Variants in HS6ST3 observed in about 807,000 individuals in gnomAD.
The protein encoded by HS6ST3 is heparan-sulfate 6-O-sulfotransferase 3.
In HS6ST3, 12 loss-of-function variants were observed where a neutral mutation model predicts 36.7. That is an observed-to-expected ratio of 0.33 (90% confidence interval 0.21 to 0.53). The LOEUF is 0.53. Among genes scored for constraint, HS6ST3 ranks in the 20% least tolerant of loss-of-function variants. The pLI is 0.95. For synonymous variants in HS6ST3, 240 were observed against 257.5 expected (o/e 0.93, Z 0.65); for missense variants, 584 against 640.9 (o/e 0.91, Z 0.96).
chr13:96,152,070 C>T (rs1440633233), intron 1 of HS6ST3, among the ~76,000 whole-genome samples: 2 of 152,124 alleles, frequency 1.3e-5, no homozygotes, highest in Admixed American at 1.3e-4. Flanking sequence ...ATAGCAATCC[C>T]CATATTCCAA....
intron 1 of HS6ST3, among the ~76,000 whole-genome samples, chr13:96,550,678 T>C (rs1051731478): frequency 6.6e-5 from 10 of 152,120 alleles, no homozygotes; most frequent in Non-Finnish European, 1.2e-4. Context: ...GCTTGTATAC[T>C]CAAAACTTGG....
At chr13:96,372,617 G>A (rs147570847) in intron 1 of HS6ST3, among the ~76,000 whole-genome samples, 4 of 152,232 alleles carry the variant, frequency 2.6e-5, no homozygotes, top group African/African-American at 9.6e-5. Context: ...ATGGATTTAG[G>A]TCTTATGTTT....
chr13:96,767,526 TAAC>T lies in HS6ST3; in HGVS notation c.708-64963_708-64961del, dbSNP rs146747778. Among the ~76,000 whole-genome samples, 353 of 152,368 alleles carry T rather than the reference TAAC, an allele frequency of 2.3e-3. 2 individuals are homozygous for T. The highest frequency in any genetic ancestry group is 7.7e-3 in the African/African-American group (319 of 41,584). On this transcript the variant is annotated intron_variant, in intron 1 of 1. Coordinates refer to ENST00000376705, the MANE Select transcript of HS6ST3 (RefSeq NM_153456.4). ...AAGCATAAAAAATCTTCCTCATTTG[TAAC>T]CTGTTATACATCTTGTACACAGCTT...
In HS6ST3 at chr13:96,214,687, A is replaced by C. The variant is rs1358667929; in HGVS notation, c.707+123118A>C. Among the ~76,000 whole-genome samples, 100 of 152,290 alleles carry C rather than the reference A, an allele frequency of 6.6e-4. 1 individual carries two copies. Among genetic ancestry groups the C allele is most frequent in the Non-Finnish European group, 4.7e-4 (32 of 68,032 alleles). On this transcript the variant is annotated intron_variant, in intron 1 of 1. Coordinates refer to ENST00000376705, the MANE Select transcript of HS6ST3 (RefSeq NM_153456.4). ...AATTTAACTGAGTCTGGAGCTGTGC[A>C]CATGTAACCATATCGTAACCTGAAT...
At chr13:96,745,129 G>A (rs1876532377) in intron 1 of HS6ST3, among the ~76,000 whole-genome samples, 2 of 152,018 alleles carry the variant, frequency 1.3e-5, no homozygotes, top group Admixed American at 1.3e-4. Context: ...ACCCAAGACA[G>A]CTGAGTTCTG....
At chr13:96,507,408 GA>G (rs1249519997) in intron 1 of HS6ST3, among the ~76,000 whole-genome samples, 3 of 152,062 alleles carry the variant, frequency 2.0e-5, no homozygotes, top group Non-Finnish European at 4.4e-5. Context: ...CCCTGATTGG[GA>G]TCTCTTTCTG....
intron 1 of HS6ST3, among the ~76,000 whole-genome samples, chr13:96,330,824 C>G (rs1274255330): frequency 6.6e-6 from 1 of 151,050 alleles, no homozygotes; most frequent in Non-Finnish European, 1.5e-5. Context: ...GTACACCAAT[C>G]AGATGTAGAT....
chr13:96,110,730 C>T (rs557053324), intron 1 of HS6ST3, among the ~76,000 whole-genome samples: 1 of 152,234 alleles, frequency 6.6e-6, no homozygotes, highest in East Asian at 1.9e-4. Context: ...GGCCGGGGAT[C>T]ACATTTCAAC....
chr13:96,666,734 A>G (rs1204494747), intron 1 of HS6ST3, among the ~76,000 whole-genome samples: 1 of 152,054 alleles, frequency 6.6e-6, no homozygotes, highest in Non-Finnish European at 1.5e-5. Context: ...GTGTGACCTC[A>G]TTTTCAAAAT....
chr13:96,127,486 C>A (rs1018499388), intron 1 of HS6ST3, among the ~76,000 whole-genome samples: 2 of 152,192 alleles, frequency 1.3e-5, no homozygotes, highest in Non-Finnish European at 2.9e-5. Context: ...TGGTGTTGCT[C>A]GCTTGCCTGC....
At chr13:96,502,280 T>A (rs2056007716) in intron 1 of HS6ST3, among the ~76,000 whole-genome samples, 1 of 152,208 alleles carries the variant, frequency 6.6e-6, no homozygotes, top group Admixed American at 6.6e-5. Context: ...ATTGACGGAT[T>A]TGATTTCTAC....
chr13:96,833,906 T>C lies in HS6ST3; in HGVS notation c.*708T>C, dbSNP rs1403438884. 1.3e-5 allele frequency: 2 copies of C among 152,322 alleles called. No individual in the cohort carries two copies. The highest frequency in any genetic ancestry group is 6.5e-5 in the Admixed American group (1 of 15,304). 9.4% of individuals were successfully genotyped at this position (152,322 alleles called of 1,614,324 possible). A position where few individuals can be genotyped will look rare whatever the true frequency, so the allele number is the denominator to read the frequency against. ...AGTGGATCCAGGACAGGGGAGGTTG[T>C]AACCCCTGAGAAATGAACATTGGTA... On this transcript the variant is annotated 3_prime_UTR_variant, in exon 2 of 2. Transcript: ENST00000376705.
chr13:96,240,485 G>A (rs145103718), intron 1 of HS6ST3, among the ~76,000 whole-genome samples: 86 of 152,286 alleles, frequency 5.6e-4, no homozygotes, highest in African/African-American at 1.9e-3. Context: ...CATTTGCTAA[G>A]TTAGGGATGA....
chr13:96,231,202 G>A (rs2054506489), intron 1 of HS6ST3, among the ~76,000 whole-genome samples: 1 of 152,146 alleles, frequency 6.6e-6, no homozygotes, highest in Admixed American at 6.5e-5. Flanking sequence ...TACTGTGCCT[G>A]TTGATCCTGT....
intron 1 of HS6ST3, among the ~76,000 whole-genome samples, chr13:96,257,327 T>A (rs1028873046): frequency 6.6e-6 from 1 of 152,202 alleles, no homozygotes; most frequent in Non-Finnish European, 1.5e-5. Flanking sequence ...AATACAGAGC[T>A]CTGTGATTCA....
intron 1 of HS6ST3, among the ~76,000 whole-genome samples, chr13:96,150,071 C>A (rs990823075): frequency 6.6e-6 from 1 of 152,088 alleles, no homozygotes; most frequent in Non-Finnish European, 1.5e-5. Flanking sequence ...CGCAGCTTGG[C>A]GAGTTCCAGG....
At chr13:96,146,230 C>G (rs990754570) in intron 1 of HS6ST3, among the ~76,000 whole-genome samples, 3 of 152,114 alleles carry the variant, frequency 2.0e-5, no homozygotes, top group Admixed American at 1.3e-4. Context: ...CACTGAATCT[C>G]TAAATTACCT....
intron 1 of HS6ST3, among the ~76,000 whole-genome samples, chr13:96,509,129 G>A (rs2056038600): frequency 1.3e-5 from 2 of 151,910 alleles, no homozygotes; most frequent in Non-Finnish European, 2.9e-5. Context: ...TTTTCATATC[G>A]TTATTGGCCA....
intron 1 of HS6ST3, among the ~76,000 whole-genome samples, chr13:96,579,678 G>T (rs141275240): frequency 6.6e-6 from 1 of 152,220 alleles, no homozygotes; most frequent in Admixed American, 6.5e-5. Flanking sequence ...AAAAACATCA[G>T]TTAAGCTAAT....
Sources: gnomAD v4.1 joint callset for allele counts (sites outside exome capture counted in the v4.1 genomes callset) on GRCh38, gnomAD v4.1.1 for gene constraint, MANE v1.5 for transcripts, NCBI Gene and HGNC (gene_info 2026-07-23, HGNC 2026-07-21) for gene names.